Variants in SRD5A2 observed in about 807,000 individuals in gnomAD.
SRD5A2 encodes the protein steroid 5 alpha-reductase 2, also known as 3-oxo-5-alpha-steroid 4-dehydrogenase 2.
SRD5A2 carries 30 observed loss-of-function variants against 27.4 expected under a neutral mutation model. The observed-to-expected ratio is 1.10, with a 90% CI of 0.82 to 1.49. The LOEUF is 1.49. Among genes scored for constraint, SRD5A2 ranks in the 40% most tolerant of loss-of-function variants. SRD5A2 has a pLI of 0.00. For missense variants in SRD5A2, 348 were observed against 323.4 expected (o/e 1.08, Z -0.58); for synonymous variants, 141 against 133.6 (o/e 1.06, Z -0.38).
At chr2:31,624,954 G>A in the SRD5A2 span, among the ~76,000 whole-genome samples, 2 of 152,148 alleles carry the variant, frequency 1.3e-5, no homozygotes, top group Non-Finnish European at 2.9e-5. Context: ...CAAAATGGTT[G>A]AACTAGTTTA....
chr2:31,575,758 C>A (rs1367305923), intron 1 of SRD5A2, among the ~76,000 whole-genome samples: 1 of 152,170 alleles, frequency 6.6e-6, no homozygotes, highest in Admixed American at 6.5e-5. Flanking sequence ...TTACATTGCC[C>A]AAAACCTTTT....
chr2:31,561,644 C>T (rs547844444), intron 1 of SRD5A2, among the ~76,000 whole-genome samples: 43 of 152,126 alleles, frequency 2.8e-4, no homozygotes, highest in Non-Finnish European at 5.4e-4. Flanking sequence ...ATCTTTCTTC[C>T]TGCCTCTACA....
chr2:31,526,173 T>G lies in SRD5A2; in HGVS notation c.*23A>C. The G allele has an allele frequency of 6.6e-7, 1 of 1,506,404 alleles. No individual in the cohort carries two copies. 93.3% of individuals were successfully genotyped at this position (1,506,404 alleles called of 1,614,324 possible). A position where few individuals can be genotyped will look rare whatever the true frequency, so the allele number is the denominator to read the frequency against. The stretch of plus-strand genomic sequence containing the variant: ...GTTTTCATCAGCATTGTGGGAGCTC[T>G]GCTCCTTTTTAATTTGGTTCCTTTA... On this transcript the variant is annotated 3_prime_UTR_variant, in exon 5 of 5. Transcript: ENST00000622030.
chr2:31,595,438 T>G, the SRD5A2 span, among the ~76,000 whole-genome samples: 1 of 152,044 alleles, frequency 6.6e-6, no homozygotes, highest in African/African-American at 2.4e-5. Flanking sequence ...TCTATGTGCA[T>G]AAACTAAAAA....
rs759318152 is a variant in SRD5A2 at position 31,529,382 on chromosome 2, G to A, written c.623C>T (p.Thr208Ile). ...AAATGCAAGTGCTGGGAGGGACCAA[G>A]TGGCCAGGGCATAGCCGATCCATTC... is the stretch of plus-strand genomic sequence containing the variant. Reference protein sequence around the residue: ...IIEWIGYALATWSLPALAFAF... With the variant: ...IIEWIGYALAIWSLPALAFAF... Residue 208 changes from threonine (T) to isoleucine (I), a missense_variant, in exon 4 of 5, where the codon ACT (threonine) becomes ATT (isoleucine). Thr to Ile is a moderately conservative substitution (Grantham distance 89, BLOSUM62 -1). Transcript: ENST00000622030. The A allele has an allele frequency of 5.0e-6, 8 of 1,613,978 alleles. No individual in the cohort carries two copies. In the South Asian group the frequency reaches 6.6e-5, roughly 13 times the overall value.
chr2:31,525,328 A>T lies in SRD5A2; in HGVS notation c.*868T>A, dbSNP rs1572626382. ...TAATTCTCTTTGTTTTACACTACTC[A>T]TTATTTGGATATTGCCACTAGTTTC... On this transcript the variant is annotated 3_prime_UTR_variant, in exon 5 of 5. Transcript: ENST00000622030. 1 of 225,724 alleles carries T rather than the reference A, an allele frequency of 4.4e-6. No homozygotes were observed. Among genetic ancestry groups the T allele is most frequent in the East Asian group, 6.4e-5 (1 of 15,682 alleles). The allele number at this position is 225,724 out of a possible 1,614,324, so 14.0% of individuals were successfully genotyped here.
the SRD5A2 span, among the ~76,000 whole-genome samples, chr2:31,652,895 G>A: frequency 6.6e-6 from 1 of 152,132 alleles, no homozygotes; most frequent in East Asian, 1.9e-4. Flanking sequence ...TGATGGCGCT[G>A]GTTCCCTGTT....
chr2:31,572,508 A>C (rs1220671446), intron 1 of SRD5A2, among the ~76,000 whole-genome samples: 1 of 152,220 alleles, frequency 6.6e-6, no homozygotes, highest in Non-Finnish European at 1.5e-5. Context: ...CAAGTCACAA[A>C]CTGAGAGAAA....
At chr2:31,564,144 G>C (rs1176327623) in intron 1 of SRD5A2, among the ~76,000 whole-genome samples, 1 of 151,992 alleles carries the variant, frequency 6.6e-6, no homozygotes, top group Admixed American at 6.6e-5. Context: ...TATTAGGTTA[G>C]CAATGATATT....
chr2:31,557,378 A>G (rs897811593), intron 1 of SRD5A2, among the ~76,000 whole-genome samples: 2 of 152,264 alleles, frequency 1.3e-5, no homozygotes, highest in Non-Finnish European at 2.9e-5. Context: ...TTAAATTTGC[A>G]TTGCTTAGAT....
At chr2:31,642,602 A>C in the SRD5A2 span, among the ~76,000 whole-genome samples, 1 of 152,032 alleles carries the variant, frequency 6.6e-6, no homozygotes, top group East Asian at 1.9e-4. Flanking sequence ...GTTAACAAAA[A>C]TGTTGACAGT....
intron 1 of SRD5A2, among the ~76,000 whole-genome samples, chr2:31,561,654 A>G (rs569159968): frequency 1.3e-5 from 2 of 152,284 alleles, no homozygotes; most frequent in East Asian, 3.9e-4. Flanking sequence ...CTGCCTCTAC[A>G]TTAAAATAGA....
chr2:31,614,176 T>C, the SRD5A2 span, among the ~76,000 whole-genome samples: 48 of 152,320 alleles, frequency 3.2e-4, 1 homozygote, highest in African/African-American at 1.1e-3. Context: ...GGCAAGTCCC[T>C]TCAGCCTATG....
the SRD5A2 span, among the ~76,000 whole-genome samples, chr2:31,595,728 A>G: frequency 6.6e-6 from 1 of 152,330 alleles, no homozygotes; most frequent in African/African-American, 2.4e-5. Flanking sequence ...CCCTATCACC[A>G]AGACCAGGAA....
chr2:31,614,797 A>C, the SRD5A2 span, among the ~76,000 whole-genome samples: 2 of 151,798 alleles, frequency 1.3e-5, no homozygotes, highest in South Asian at 4.1e-4. Flanking sequence ...AGTACCATGT[A>C]AGCCAATGAT....
chr2:31,578,169 G>C (rs1666997855), intron 1 of SRD5A2, among the ~76,000 whole-genome samples: 2 of 151,900 alleles, frequency 1.3e-5, no homozygotes, highest in Non-Finnish European at 2.9e-5. Context: ...AATATACTTA[G>C]ATGTAATTAT....
chr2:31,529,982 C>T (rs1005039075), intron 3 of SRD5A2, among the ~76,000 whole-genome samples: 1 of 152,150 alleles, frequency 6.6e-6, no homozygotes, highest in Non-Finnish European at 1.5e-5. Flanking sequence ...CTCCTCTGTT[C>T]ATGTTTAAAG....
chr2:31,620,660 G>A, the SRD5A2 span, among the ~76,000 whole-genome samples: 1,793 of 151,834 alleles, frequency 0.012, 38 homozygotes, highest in African/African-American at 0.04. Context: ...TGTATACTTA[G>A]TATAATTGGC....
At chr2:31,625,863 C>T in the SRD5A2 span, among the ~76,000 whole-genome samples, 10 of 151,920 alleles carry the variant, frequency 6.6e-5, no homozygotes, top group Non-Finnish European at 1.5e-4. Context: ...TGGTTCCATA[C>T]GAACTTTAAA....
Sources: allele counts gnomAD v4.1 joint callset (sites outside exome capture counted in the v4.1 genomes callset), GRCh38; gene constraint gnomAD v4.1.1; transcripts MANE v1.5; gene names NCBI Gene and HGNC (gene_info 2026-07-23, HGNC 2026-07-21).